The following DPP6 variants were observed in gnomAD, a reference collection of about 807,000 sequenced individuals.
The protein encoded by DPP6 is dipeptidyl peptidase like 6, also known as A-type potassium channel modulatory protein DPP6.
A neutral mutation model predicts 122.6 loss-of-function variants in DPP6; 69 were observed. That is an observed-to-expected ratio of 0.56 (90% CI 0.46 to 0.69). The LOEUF is 0.69. Ranked by LOEUF, DPP6 falls within the 30% of genes least tolerant of loss-of-function variation. The probability of loss-of-function intolerance (pLI) is 0.00; values close to 1 mark genes in which losing one functional copy is unlikely to be tolerated. For synonymous variants in DPP6, 418 were observed against 433.1 expected (o/e 0.97, Z 0.43); for missense variants, 928 against 1,116.9 (o/e 0.83, Z 2.41).
chr7:154,136,492 G>A lies in DPP6; in HGVS notation c.243+83429G>A, dbSNP rs577054749. On this transcript the variant is annotated intron_variant, in intron 1 of 25. Transcript: ENST00000377770. ...ATTCCAGATTTTTGAAAAGGTGCGC[G>A]GTGCATTTCATTTAGTCCGGTAAGC... 2.1e-4 allele frequency among the ~76,000 whole-genome samples: 32 copies of A among 152,202 alleles called. No homozygotes were observed. The South Asian group carries it at 2.7e-3, about 13-fold the overall frequency.
At chr7:154,823,042 C>T (rs1799904266) in intron 16 of DPP6, among the ~76,000 whole-genome samples, 1 of 152,200 alleles carries the variant, frequency 6.6e-6, no homozygotes, top group Admixed American at 6.5e-5. Flanking sequence ...AGGTTAGGGT[C>T]ATAATCTTAC....
intron 6 of DPP6, among the ~76,000 whole-genome samples, chr7:154,654,279 G>A (rs189476730): frequency 1.3e-5 from 2 of 152,000 alleles, no homozygotes; most frequent in Non-Finnish European, 2.9e-5. Flanking sequence ...GATCATATAT[G>A]TTAAAAGCAT....
chr7:154,500,451 T>C (rs1420301373), intron 3 of DPP6, among the ~76,000 whole-genome samples: 1 of 152,182 alleles, frequency 6.6e-6, no homozygotes, highest in East Asian at 1.9e-4. Flanking sequence ...TTTTGAATGG[T>C]AATTCCCACA....
the DPP6 span, among the ~76,000 whole-genome samples, chr7:153,787,700 G>T: frequency 2.0e-5 from 3 of 150,738 alleles, no homozygotes; most frequent in Non-Finnish European, 3.0e-5. Flanking sequence ...AGTCCAGGAG[G>T]TTAAGGCTGT....
intron 6 of DPP6, among the ~76,000 whole-genome samples, chr7:154,650,598 A>G (rs1246595317): frequency 6.6e-6 from 1 of 152,174 alleles, no homozygotes; most frequent in Non-Finnish European, 1.5e-5. Flanking sequence ...CACTCAGAGG[A>G]GAAGACACAG....
At chr7:154,734,283 T>G (rs1842476406) in intron 8 of DPP6, among the ~76,000 whole-genome samples, 1 of 152,256 alleles carries the variant, frequency 6.6e-6, no homozygotes, top group South Asian at 2.1e-4. Context: ...CCTTTTATGC[T>G]GTTTTTAAAA....
exon 1 of DPP6, chr7:153,887,314 C>T: frequency 5.8e-6 from 1 of 172,496 alleles, no homozygotes; most frequent in South Asian, 1.6e-4. Flanking sequence ...GTGCTGGCGC[C>T]GAGCTCGGTG....
At chr7:153,884,570 C>T (rs1280675732), upstream of DPP6, among the ~76,000 whole-genome samples, 1 of 152,212 alleles carries the variant, frequency 6.6e-6, no homozygotes. Flanking sequence ...TATAAAGACA[C>T]ATGCACACAT....
chr7:154,124,765 G>T (rs553656655), intron 1 of DPP6, among the ~76,000 whole-genome samples: 2 of 152,302 alleles, frequency 1.3e-5, no homozygotes, highest in Non-Finnish European at 1.5e-5. Context: ...GGAGGATGGG[G>T]GTAAGTGTGC....
intron 6 of DPP6, among the ~76,000 whole-genome samples, chr7:154,656,824 G>A (rs1158916031): frequency 2.0e-5 from 3 of 148,836 alleles, no homozygotes; most frequent in Non-Finnish European, 3.0e-5. Flanking sequence ...GGGAGGAGGT[G>A]CCCACAGACG....
chr7:154,216,837 T>G lies in DPP6; in HGVS notation c.243+163774T>G, dbSNP rs1310376431. Among the ~76,000 whole-genome samples, 51 of 148,540 alleles carry G rather than the reference T, an allele frequency of 3.4e-4. 1 individual carries two copies. The highest frequency in any genetic ancestry group is 1.8e-3 in the Admixed American group (27 of 14,920). Reference sequence around the variant, plus strand: ...CATGTTTTTTGTGTTACTGTTGTTTTTTTTTTTTTTTTTCAAATTATAAAC... The same window carrying G: ...CATGTTTTTTGTGTTACTGTTGTTTGTTTTTTTTTTTTTCAAATTATAAAC... On this transcript the variant is annotated intron_variant, in intron 1 of 25. Transcript: ENST00000377770.
At position 154,803,949 on chromosome 7, in the gene DPP6, A is replaced by G. The variant is rs769205185; in HGVS notation, c.1493A>G (p.Asn498Ser). 3.7e-6 allele frequency: 6 copies of G among 1,613,644 alleles called. No homozygotes were observed. The highest frequency in any genetic ancestry group is 1.7e-5 in the Admixed American group (1 of 60,006). ...TKILAYDEKG[N>S]KIYFLSTEDL... ...ATCCTAGCCTACGATGAGAAGGGGA[A>G]TAAGATGTGAGTGAGAACCAGGGGC... The change falls in exon 14 of 26, where the codon AAT (asparagine) becomes AGT (serine). Residue 498 changes from asparagine to serine, a missense_variant. By Grantham distance (46) the Asn-to-Ser change is conservative. Transcript: ENST00000377770.
intron 1 of DPP6, among the ~76,000 whole-genome samples, chr7:154,103,361 T>A (rs1416996870): frequency 6.6e-6 from 1 of 152,214 alleles, no homozygotes; most frequent in Non-Finnish European, 1.5e-5. Context: ...TGAATTTAGA[T>A]GTTGGTGGAC....
chr7:154,587,341 T>C (rs866240356), intron 5 of DPP6: 1 of 412,908 alleles, frequency 2.4e-6, no homozygotes, highest in Admixed American at 4.0e-5. Flanking sequence ...ACCTTATTCC[T>C]CCCCCCAACC....
At chr7:154,772,648 T>C (rs183971606) in intron 9 of DPP6, among the ~76,000 whole-genome samples, 197 bp from the exon 10 acceptor site, 56 of 152,298 alleles carry the variant, frequency 3.7e-4, no homozygotes, top group African/African-American at 1.3e-3. Context: ...AAAGCAAGAA[T>C]CAGCCCACTT....
intron 1 of DPP6, among the ~76,000 whole-genome samples, chr7:153,908,799 G>T (rs1427606193): frequency 6.6e-6 from 1 of 152,220 alleles, no homozygotes; most frequent in East Asian, 1.9e-4. Flanking sequence ...CTGTCGCCCA[G>T]GCTGGAGTCA....
rs115785598 is a variant in DPP6 at position 154,876,178 on chromosome 7, C to T, written c.2078+78C>T. The T allele has an allele frequency of 1.0e-3, 1,441 of 1,431,888 alleles. 16 individuals are homozygous for T. In the African/African-American group the frequency reaches 0.018, roughly 18 times the overall value. The allele number at this position is 1,431,888 out of a possible 1,614,324, so 88.7% of individuals were successfully genotyped here. A position where few individuals can be genotyped will look rare whatever the true frequency, so the allele number is the denominator to read the frequency against. On this transcript the variant is annotated intron_variant, in intron 20 of 25. Coordinates refer to ENST00000377770, the MANE Select transcript of DPP6 (RefSeq NM_130797.4). Reference sequence around the variant, plus strand: ...TGGGGGCAGCACCGCAGTCACAGTGCGGGAATGCTTTTTCTCCACGCACAC... The same window carrying T: ...TGGGGGCAGCACCGCAGTCACAGTGTGGGAATGCTTTTTCTCCACGCACAC...
At chr7:154,140,758 T>G (rs2150661057) in intron 1 of DPP6, among the ~76,000 whole-genome samples, 1 of 152,354 alleles carries the variant, frequency 6.6e-6, no homozygotes, top group South Asian at 2.1e-4. Flanking sequence ...GCCTCATTTC[T>G]AATAATAACA....
At chr7:154,097,892 T>G (rs1313043671) in intron 1 of DPP6, among the ~76,000 whole-genome samples, 4 of 151,870 alleles carry the variant, frequency 2.6e-5, no homozygotes, top group Non-Finnish European at 5.9e-5. Flanking sequence ...ACTGAGGGAG[T>G]GGTGGGAGGG....
Sources: gnomAD v4.1 joint callset for allele counts (sites outside exome capture counted in the v4.1 genomes callset) on GRCh38, gnomAD v4.1.1 for gene constraint, MANE v1.5 for transcripts, NCBI Gene and HGNC (gene_info 2026-07-23, HGNC 2026-07-21) for gene names.